MCUB: variants seen among roughly 807,000 people sequenced by gnomAD.
MCUB encodes the protein calcium uniporter regulatory subunit MCUb, mitochondrial.
In MCUB, 46 loss-of-function variants were observed where a neutral mutation model predicts 41.4. That is an observed-to-expected ratio of 1.11 (90% confidence interval 0.88 to 1.42). MCUB has a LOEUF of 1.42. Ranked by LOEUF, MCUB falls within the 40% of genes most tolerant of loss-of-function variation. The probability of loss-of-function intolerance (pLI) is 0.00; values close to 1 mark genes in which losing one functional copy is unlikely to be tolerated. For synonymous variants in MCUB, 148 were observed against 148.2 expected (o/e 1.00, Z 0.01); for missense variants, 403 against 404.9 (o/e 1.00, Z 0.04).
At chr4:109,632,189 A>G (rs1378593674) in intron 1 of MCUB, among the ~76,000 whole-genome samples, 3 of 152,228 alleles carry the variant, frequency 2.0e-5, no homozygotes, top group Admixed American at 6.5e-5. Flanking sequence ...AGGGCCAGAT[A>G]GTAAATATTT....
chr4:109,596,489 G>A (rs1325618076), intron 1 of MCUB, among the ~76,000 whole-genome samples: 1 of 151,538 alleles, frequency 6.6e-6, no homozygotes, highest in African/African-American at 2.4e-5. Context: ...AGTAGACACA[G>A]TGCCCTTCTT....
rs565778516 is a variant in MCUB, at chr4:109,569,069, C to G, written c.99+8633C>G. ...AGTAGTCTTTTTTTTCTTTTTGAGA[C>G]AGAGTCTGGCTCTGTCACCCAGGCT... On this transcript the variant is annotated intron_variant, in intron 1 of 7. Transcript: ENST00000394650. Among the ~76,000 whole-genome samples the G allele has an allele frequency of 1.9e-3, 293 of 152,124 alleles. 1 individual carries two copies. Among genetic ancestry groups the G allele is most frequent in the Non-Finnish European group, 3.4e-3 (233 of 67,984 alleles).
At chr4:109,591,210 C>T (rs959712052) in intron 1 of MCUB, among the ~76,000 whole-genome samples, 2 of 148,514 alleles carry the variant, frequency 1.3e-5, no homozygotes, top group Non-Finnish European at 3.0e-5. Context: ...TCCTTTGAGA[C>T]AGTCTCACTC....
In MCUB at chr4:109,682,684, A is replaced by T; in HGVS notation, c.554A>T (p.Glu185Val). 1 of 1,613,598 alleles carries T rather than the reference A, an allele frequency of 6.2e-7. No homozygotes were observed. The highest frequency in any genetic ancestry group is 8.5e-7 in the Non-Finnish European group (1 of 1,179,494). Residue 185 changes from glutamate (E) to valine (V), a missense_variant, in exon 5 of 8, where the codon GAG becomes GTG. Coordinates refer to ENST00000394650, the MANE Select transcript of MCUB (RefSeq NM_017918.5). ...LHLEESQKKR[E>V]HHLLEKIDHL... ...TTAGAAGAGTCTCAGAAAAAGAGAG[A>T]GCACCATTTACTGGAGAAAATTGAC...
rs17040707 is a variant in MCUB, at chr4:109,662,461, C to T, written c.347-1829C>T. ...AGAGGTTAAAATGATAGATGTTTAT[C>T]CTGCTTATTTCTAAAAATAAAGTTA... On this transcript the variant is annotated intron_variant, in intron 3 of 7. Coordinates refer to ENST00000394650, the MANE Select transcript of MCUB (RefSeq NM_017918.5). Among the ~76,000 whole-genome samples the T allele has an allele frequency of 7.6e-3, 1,163 of 152,230 alleles. 15 individuals carry two copies. The highest frequency in any genetic ancestry group is 0.026 in the African/African-American group (1,077 of 41,530).
intron 1 of MCUB, chr4:109,648,694 ATTTTTT>A: frequency 2.1e-5 from 5 of 239,080 alleles, no homozygotes; most frequent in Middle Eastern, 1.5e-3. Flanking sequence ...TAGCAGTTTG[ATTTTTT>A]TTTTTTTTTT....
chr4:109,597,256 C>A (rs1281695015), intron 1 of MCUB, among the ~76,000 whole-genome samples: 1 of 152,202 alleles, frequency 6.6e-6, no homozygotes, highest in Non-Finnish European at 1.5e-5. Flanking sequence ...GGCACACCTC[C>A]CAGACAGGGT....
chr4:109,633,924 C>A (rs1386717438), intron 1 of MCUB, among the ~76,000 whole-genome samples: 1 of 126,062 alleles, frequency 7.9e-6, no homozygotes, highest in Non-Finnish European at 1.6e-5. Flanking sequence ...TTATTTCTTT[C>A]TCTGGGGCTC....
chr4:109,665,495 ACT>A (rs997516154), intron 4 of MCUB, among the ~76,000 whole-genome samples: 5 of 152,066 alleles, frequency 3.3e-5, no homozygotes, highest in Admixed American at 2.0e-4. Flanking sequence ...ACTCTACCAA[ACT>A]CTACCAAAAT....
intron 5 of MCUB, chr4:109,683,298 A>G (rs1270591003): frequency 1.3e-5 from 2 of 152,256 alleles, no homozygotes; most frequent in African/African-American, 2.4e-5. Flanking sequence ...TTTTTATTTA[A>G]ATGGGAAGGT....
intron 1 of MCUB, among the ~76,000 whole-genome samples, chr4:109,627,490 A>G (rs942466925): frequency 2.0e-5 from 3 of 152,174 alleles, no homozygotes; most frequent in African/African-American, 7.2e-5. Flanking sequence ...TATTACAGCA[A>G]CTGTCACATT....
chr4:109,661,437 T>A (rs1729229653), intron 3 of MCUB, among the ~76,000 whole-genome samples: 1 of 152,108 alleles, frequency 6.6e-6, no homozygotes, highest in African/African-American at 2.4e-5. Context: ...GATAGAGAAG[T>A]TGGAAAATGG....
chr4:109,564,339 C>A (rs1462083337), intron 1 of MCUB, among the ~76,000 whole-genome samples: 1 of 151,726 alleles, frequency 6.6e-6, no homozygotes, highest in Non-Finnish European at 1.5e-5. Context: ...TTGGTTTCAC[C>A]ATGTTGGCCA....
rs1022621335 is a variant in MCUB at position 109,688,419 on chromosome 4, G to A, written c.*827G>A. On this transcript the variant is annotated 3_prime_UTR_variant, in exon 8 of 8. Transcript: ENST00000394650. ...ATTTTGCAGGTGTTCAACCTATAGT[G>A]GCTAAGAATTATGTTTTCTATTTCA... 1.3e-5 allele frequency: 2 copies of A among 152,142 alleles called. No individual in the cohort carries two copies. The highest frequency in any genetic ancestry group is 2.9e-5 in the Non-Finnish European group (2 of 68,034). 9.4% of individuals were successfully genotyped at this position (152,142 alleles called of 1,614,324 possible).
chr4:109,605,977 T>C (rs1727861208), intron 1 of MCUB, among the ~76,000 whole-genome samples: 2 of 151,950 alleles, frequency 1.3e-5, no homozygotes, highest in Non-Finnish European at 2.9e-5. Flanking sequence ...TTTGTTTGTT[T>C]GTTTGTTTGT....
chr4:109,583,024 T>C (rs2126127055), intron 1 of MCUB, among the ~76,000 whole-genome samples: 1 of 152,316 alleles, frequency 6.6e-6, no homozygotes, highest in Admixed American at 6.5e-5. Context: ...TCTTTTTGCT[T>C]AGGATTGTCT....
At chr4:109,590,466 A>C (rs1727410656) in intron 1 of MCUB, among the ~76,000 whole-genome samples, 1 of 152,230 alleles carries the variant, frequency 6.6e-6, no homozygotes, top group South Asian at 2.1e-4. Flanking sequence ...ATAATTGGAA[A>C]GCCCATGTAA....
chr4:109,678,719 G>A (rs1729638143), intron 4 of MCUB, among the ~76,000 whole-genome samples: 1 of 146,834 alleles, frequency 6.8e-6, no homozygotes, highest in Non-Finnish European at 1.5e-5. Flanking sequence ...TGGTGGCCAA[G>A]CAGAGGCGCT....
chr4:109,658,972 C>CT (rs770851423), intron 1 of MCUB, 39 bp from the exon 2 acceptor site: 51 of 1,140,732 alleles, frequency 4.5e-5, no homozygotes, highest in South Asian at 2.3e-4. Context: ...CTTTCCCACT[C>CT]TTTTTTTAAA....
Sources: allele counts gnomAD v4.1 joint callset (sites outside exome capture counted in the v4.1 genomes callset), GRCh38; gene constraint gnomAD v4.1.1; transcripts MANE v1.5; gene names NCBI Gene and HGNC (gene_info 2026-07-23, HGNC 2026-07-21).